FOXP1: variants seen among roughly 807,000 people sequenced by gnomAD.
FOXP1 encodes the protein forkhead box protein P1.
A neutral mutation model predicts 98.2 loss-of-function variants in FOXP1; 15 were observed. The observed-to-expected ratio is 0.15, with a 90% CI of 0.10 to 0.24. The LOEUF (loss-of-function observed/expected upper bound fraction) is 0.24, where lower values mean the gene tolerates loss of function less well. Ranked by LOEUF, FOXP1 falls within the 10% of genes least tolerant of loss-of-function variation. FOXP1 has a pLI of 1.00. For synonymous variants in FOXP1, 371 were observed against 314.5 expected, an observed-to-expected ratio of 1.18 and a Z score of -1.90; for missense variants, 633 against 848.5, an observed-to-expected ratio of 0.75 and a Z score of 3.15.
chr3:71,072,020 T>C (rs1177630464), intron 7 of FOXP1, among the ~76,000 whole-genome samples: 1 of 152,206 alleles, frequency 6.6e-6, no homozygotes, highest in Non-Finnish European at 1.5e-5. Context: ...TAGGATCCTA[T>C]GTAAAACTAC....
At chr3:71,395,678 G>A (rs2081328226) in intron 3 of FOXP1, among the ~76,000 whole-genome samples, 1 of 151,988 alleles carries the variant, frequency 6.6e-6, no homozygotes, top group Non-Finnish European at 1.5e-5. Flanking sequence ...AAGGTTCTTG[G>A]CAGTCTTGTT....
rs146745863 is a variant in FOXP1, at chr3:71,567,477, C to A, written c.-298+14072G>T. 1.0e-3 allele frequency among the ~76,000 whole-genome samples: 152 copies of A among 152,202 alleles called. 1 individual carries two copies. Among genetic ancestry groups the A allele is most frequent in the African/African-American group, 3.4e-3 (140 of 41,522 alleles). On this transcript the variant is annotated intron_variant, in intron 2 of 20. Transcript: ENST00000649528. Reference sequence around the variant, plus strand: ...GCTACTTAGTCTAAGGTGAAACATTCCAGAATGATCTAATTATCTTAAGAT... The same window carrying A: ...GCTACTTAGTCTAAGGTGAAACATTACAGAATGATCTAATTATCTTAAGAT...
At chr3:71,562,799 G>C (rs892536775) in intron 2 of FOXP1, among the ~76,000 whole-genome samples, 2 of 152,166 alleles carry the variant, frequency 1.3e-5, no homozygotes, top group Non-Finnish European at 2.9e-5. Context: ...AGTGGAACTG[G>C]ATCTTTCTTG....
intron 14 of FOXP1, among the ~76,000 whole-genome samples, chr3:70,985,079 T>C (rs1333260920): frequency 6.6e-6 from 1 of 152,230 alleles, no homozygotes; most frequent in Non-Finnish European, 1.5e-5. Flanking sequence ...CTAAGAATTT[T>C]AAAATAAACA....
chr3:70,994,034 A>G (rs1015705867), intron 13 of FOXP1, among the ~76,000 whole-genome samples: 3 of 151,498 alleles, frequency 2.0e-5, no homozygotes, highest in East Asian at 1.9e-4. Context: ...AAGAAAAAGA[A>G]AAAGAAAAAA....
At chr3:71,519,084 A>T (rs958637336) in intron 2 of FOXP1, among the ~76,000 whole-genome samples, 1 of 152,066 alleles carries the variant, frequency 6.6e-6, no homozygotes, top group Non-Finnish European at 1.5e-5. Context: ...CATCTCTACT[A>T]AAAATACAAA....
intron 7 of FOXP1, among the ~76,000 whole-genome samples, chr3:71,091,164 TG>T (rs1173534318): frequency 7.4e-6 from 1 of 134,682 alleles, no homozygotes; most frequent in Non-Finnish European, 1.6e-5. Context: ...ATTAATCTGC[TG>T]GGTAGACATT....
chr3:71,021,232 A>C (rs974326113), intron 11 of FOXP1, among the ~76,000 whole-genome samples: 1 of 152,078 alleles, frequency 6.6e-6, no homozygotes, highest in Non-Finnish European at 1.5e-5. Flanking sequence ...GCCAATCCCT[A>C]ATCTTTCTGT....
intron 6 of FOXP1, among the ~76,000 whole-genome samples, chr3:71,195,607 C>G (rs1324924161): frequency 6.6e-6 from 1 of 152,158 alleles, no homozygotes; most frequent in Non-Finnish European, 1.5e-5. Flanking sequence ...TGTCTTTGTA[C>G]TACGGAATCT....
intron 5 of FOXP1, among the ~76,000 whole-genome samples, chr3:71,293,152 G>C (rs2072934376): frequency 6.6e-6 from 1 of 152,148 alleles, no homozygotes; most frequent in African/African-American, 2.4e-5. Context: ...TTCTTTCAGA[G>C]GCTTTTGAAT....
Position 71,126,729 on chromosome 3 carries a change from C to A in FOXP1, c.181-14092G>T, listed in dbSNP as rs1003891706. 4.6e-5 allele frequency among the ~76,000 whole-genome samples: 7 copies of A among 151,654 alleles called. No homozygotes were observed. In the South Asian group the frequency reaches 8.3e-4, roughly 18 times the overall value. On this transcript the variant is annotated intron_variant, in intron 6 of 20. Coordinates refer to ENST00000649528, the MANE Select transcript of FOXP1 (RefSeq NM_001349338.3). Reference sequence around the variant, plus strand: ...GTCCCAGCTACTTAGGAGGACGATGCATGAGAATCCCTTGAACCCGTGAGA... The same window carrying A: ...GTCCCAGCTACTTAGGAGGACGATGAATGAGAATCCCTTGAACCCGTGAGA...
At chr3:71,051,568 G>A (rs965261936) in intron 9 of FOXP1, among the ~76,000 whole-genome samples, 4 of 152,246 alleles carry the variant, frequency 2.6e-5, no homozygotes, top group African/African-American at 7.2e-5. Flanking sequence ...CCTGCTTAGG[G>A]CTGGTGAAGA....
At chr3:71,052,453 T>C (rs879298911) in intron 9 of FOXP1, 84 bp downstream of exon 9, 2 of 832,356 alleles carry the variant, frequency 2.4e-6, no homozygotes, top group Non-Finnish European at 2.1e-6. Context: ...TGTGCAATCA[T>C]TTAAAAGATG....
At position 71,449,984 on chromosome 3, in the gene FOXP1, C is replaced by T. The variant is rs150025029; in HGVS notation, c.-168+43442G>A. Among the ~76,000 whole-genome samples the T allele has an allele frequency of 2.1e-4, 32 of 152,230 alleles. No homozygotes were observed. In the East Asian group the frequency reaches 5.6e-3, roughly 27 times the overall value. Reference sequence around the variant, plus strand: ...TGAAATTTCTTTCCCAACATGTCTACGAATTGAGCATTAAAAAGGAAAAGG... The same window carrying T: ...TGAAATTTCTTTCCCAACATGTCTATGAATTGAGCATTAAAAAGGAAAAGG... On this transcript the variant is annotated intron_variant, in intron 3 of 20. Coordinates refer to ENST00000649528, the MANE Select transcript of FOXP1 (RefSeq NM_001349338.3).
intron 6 of FOXP1, among the ~76,000 whole-genome samples, chr3:71,122,697 T>C (rs1421695137): frequency 6.6e-6 from 1 of 152,194 alleles, no homozygotes; most frequent in Non-Finnish European, 1.5e-5. Flanking sequence ...TCGGGAAAGT[T>C]TTGTAAGTCT....
intron 7 of FOXP1, among the ~76,000 whole-genome samples, chr3:71,108,379 A>T (rs1368965385): frequency 6.6e-6 from 1 of 152,190 alleles, no homozygotes; most frequent in East Asian, 1.9e-4. Flanking sequence ...CAGCCAGTAA[A>T]GTTACGCATT....
At chr3:71,141,266 CAAAA>C (rs71621921) in intron 6 of FOXP1, among the ~76,000 whole-genome samples, 7 of 71,846 alleles carry the variant, frequency 9.7e-5, no homozygotes, top group African/African-American at 9.4e-5. Context: ...GACTCTGTCT[CAAAA>C]AAAAAAAAAA....
rs149170254 is a variant in FOXP1 at position 71,562,917 on chromosome 3, C to T, written c.-298+18632G>A. Among the ~76,000 whole-genome samples the T allele has an allele frequency of 7.5e-3, 1,136 of 152,270 alleles. 7 individuals are homozygous for T. Among genetic ancestry groups the T allele is most frequent in the Middle Eastern group, 0.024 (7 of 294 alleles). On this transcript the variant is annotated intron_variant, in intron 2 of 20. Transcript: ENST00000649528. Reference sequence around the variant, plus strand: ...TCTCTATTTTATTTGGTATTCCCTCCCACTCATGCAATCGCTCCCTGTTCT... The same window carrying T: ...TCTCTATTTTATTTGGTATTCCCTCTCACTCATGCAATCGCTCCCTGTTCT...
At chr3:71,084,306 G>C (rs1015141481) in intron 7 of FOXP1, among the ~76,000 whole-genome samples, 3 of 151,540 alleles carry the variant, frequency 2.0e-5, no homozygotes, top group African/African-American at 7.3e-5. Flanking sequence ...ACTATTAAGA[G>C]TTCTCAGTCC....
Sources: allele counts gnomAD v4.1 joint callset (sites outside exome capture counted in the v4.1 genomes callset), GRCh38; gene constraint gnomAD v4.1.1; transcripts MANE v1.5; gene names NCBI Gene and HGNC (gene_info 2026-07-23, HGNC 2026-07-21).